The following PIP5K1B variants were observed in gnomAD, a reference collection of about 807,000 sequenced individuals.
The protein encoded by PIP5K1B is phosphatidylinositol-4-phosphate 5-kinase type 1 beta.
PIP5K1B carries 42 observed loss-of-function variants against 67.0 expected under a neutral mutation model. The observed-to-expected ratio is 0.63, with a 90% confidence interval of 0.49 to 0.81. PIP5K1B has a LOEUF of 0.81. Among genes scored for constraint, PIP5K1B ranks in the 30% least tolerant of loss-of-function variants. The probability of loss-of-function intolerance (pLI) is 0.00; values close to 1 mark genes in which losing one functional copy is unlikely to be tolerated. For synonymous variants in PIP5K1B, 214 were observed against 231.4 expected, an observed-to-expected ratio of 0.92 and a Z score of 0.68; for missense variants, 459 against 646.3, an observed-to-expected ratio of 0.71 and a Z score of 3.14.
At chr9:68,778,918 T>A (rs1831065722) in intron 2 of PIP5K1B, among the ~76,000 whole-genome samples, 1 of 152,190 alleles carries the variant, frequency 6.6e-6, no homozygotes, top group Non-Finnish European at 1.5e-5. Flanking sequence ...TCCCCAGATG[T>A]CCACGTGACT....
chr9:68,889,724 G>T (rs1022524123), intron 7 of PIP5K1B, among the ~76,000 whole-genome samples: 10 of 122,786 alleles, frequency 8.1e-5, no homozygotes, highest in South Asian at 2.7e-4. Flanking sequence ...GACAGAGCGA[G>T]ACTCCTTCTC....
At position 68,724,234 on chromosome 9, in the gene PIP5K1B, TG is replaced by T. The variant is rs61074853; in HGVS notation, c.-242-18264del. 5.3e-3 allele frequency among the ~76,000 whole-genome samples: 436 copies of T among 81,918 alleles called. 2 individuals carry two copies. Among genetic ancestry groups the T allele is most frequent in the African/African-American group, 0.028 (393 of 14,190 alleles). The allele number at this position is 81,918 out of a possible 152,430, so 53.7% of individuals were successfully genotyped here. A position where few individuals can be genotyped will look rare whatever the true frequency, so the allele number is the denominator to read the frequency against. ...TAGGTCTATGTGTCTGTGTTTTTTT[TG>T]GGTTTTTTTTTTTTTGTTTTTTGTT... On this transcript the variant is annotated intron_variant, in intron 1 of 15. Coordinates refer to ENST00000265382, the MANE Select transcript of PIP5K1B (RefSeq NM_003558.4).
intron 8 of PIP5K1B, among the ~76,000 whole-genome samples, chr9:68,914,627 A>G (rs990353365): frequency 6.6e-6 from 1 of 152,152 alleles, no homozygotes; most frequent in Non-Finnish European, 1.5e-5. Flanking sequence ...AGGCAGGAGA[A>G]TGGTGTGAAC....
At chr9:68,984,878 T>C (rs1830032852) in intron 14 of PIP5K1B, among the ~76,000 whole-genome samples, 1 of 152,244 alleles carries the variant, frequency 6.6e-6, no homozygotes, top group Non-Finnish European at 1.5e-5. Context: ...TTCTAAAATG[T>C]TAGCAGCAAT....
chr9:68,753,014 T>A (rs1829713432), intron 2 of PIP5K1B, among the ~76,000 whole-genome samples: 2 of 152,330 alleles, frequency 1.3e-5, no homozygotes, highest in Admixed American at 1.3e-4. Flanking sequence ...GGTTCCATTT[T>A]TTACATTTAA....
chr9:68,857,412 A>G (rs1213161432), intron 4 of PIP5K1B, among the ~76,000 whole-genome samples: 1 of 152,046 alleles, frequency 6.6e-6, no homozygotes, highest in African/African-American at 2.4e-5. Flanking sequence ...GTTTCATGCA[A>G]TCTCTCTCTC....
chr9:68,734,050 C>T (rs1306575322), intron 1 of PIP5K1B, among the ~76,000 whole-genome samples: 2 of 152,160 alleles, frequency 1.3e-5, no homozygotes, highest in African/African-American at 4.8e-5. Context: ...TCTGCAACTT[C>T]CATGCAACCC....
chr9:68,851,379 A>G (rs1265314184), intron 4 of PIP5K1B, among the ~76,000 whole-genome samples: 1 of 152,248 alleles, frequency 6.6e-6, no homozygotes, highest in Non-Finnish European at 1.5e-5. Flanking sequence ...TTATAAGGCA[A>G]ATTCACCACA....
chr9:69,007,591 C>T (rs932489494), intron 15 of PIP5K1B, among the ~76,000 whole-genome samples: 8 of 152,194 alleles, frequency 5.3e-5, no homozygotes, highest in Non-Finnish European at 7.3e-5. Context: ...GGTGAGGTGG[C>T]TCACGCCTGT....
intron 2 of PIP5K1B, among the ~76,000 whole-genome samples, chr9:68,763,774 GC>G (rs1830296971): frequency 6.6e-6 from 1 of 152,132 alleles, no homozygotes; most frequent in Non-Finnish European, 1.5e-5. Flanking sequence ...CACTCAGCAT[GC>G]TGTGATAATT....
At chr9:68,846,233 A>C (rs1822184787) in intron 4 of PIP5K1B, among the ~76,000 whole-genome samples, 1 of 152,212 alleles carries the variant, frequency 6.6e-6, no homozygotes, top group Non-Finnish European at 1.5e-5. Flanking sequence ...GTAAATACTG[A>C]TATTAATGTT....
At chr9:68,967,283 T>C (rs1231038259) in intron 14 of PIP5K1B, among the ~76,000 whole-genome samples, 1 of 152,208 alleles carries the variant, frequency 6.6e-6, no homozygotes, top group East Asian at 1.9e-4. Context: ...TTGTAGTTCC[T>C]TGATGCTCCA....
chr9:68,877,101 C>A (rs1271600600), intron 6 of PIP5K1B, among the ~76,000 whole-genome samples: 3 of 152,102 alleles, frequency 2.0e-5, no homozygotes, highest in Non-Finnish European at 4.4e-5. Context: ...GTGAATTTTG[C>A]TGATTAGATT....
At chr9:68,957,179 G>A (rs1828443083) in intron 14 of PIP5K1B, among the ~76,000 whole-genome samples, 1 of 151,818 alleles carries the variant, frequency 6.6e-6, no homozygotes, top group Non-Finnish European at 1.5e-5. Context: ...GGCTGCCATA[G>A]CTTCAGACAT....
At chr9:68,726,092 T>C (rs960318542) in intron 1 of PIP5K1B, among the ~76,000 whole-genome samples, 8 of 152,204 alleles carry the variant, frequency 5.3e-5, no homozygotes, top group Non-Finnish European at 5.9e-5. Flanking sequence ...AAAATCTTAT[T>C]TAATAATAGA....
rs567646057 is a variant in PIP5K1B, at chr9:68,921,896, TTTC to T, written c.1117-1403_1117-1401del. 2.4e-4 allele frequency among the ~76,000 whole-genome samples: 36 copies of T among 152,254 alleles called. No homozygotes were observed. In the Middle Eastern group the frequency reaches 0.01, roughly 43 times the overall value. On this transcript the variant is annotated intron_variant, in intron 11 of 15. Transcript: ENST00000265382. ...TTAAAAAATATACCTATCATCTGCT[TTTC>T]TTTTCTTTTTAATGAAAATTTCTGT...
intron 1 of PIP5K1B, among the ~76,000 whole-genome samples, chr9:68,735,647 C>T (rs571528198): frequency 6.6e-6 from 1 of 152,270 alleles, no homozygotes; most frequent in African/African-American, 2.4e-5. Flanking sequence ...GCCTCAGCCT[C>T]CCAAAGTGCT....
At chr9:68,904,736 G>T (rs1329659260) in intron 8 of PIP5K1B, among the ~76,000 whole-genome samples, 1 of 146,418 alleles carries the variant, frequency 6.8e-6, no homozygotes, top group African/African-American at 2.5e-5. Context: ...GAAACGGAAG[G>T]ATTATCAAGT....
At chr9:69,002,139 A>G (rs949950287) in intron 15 of PIP5K1B, among the ~76,000 whole-genome samples, 4 of 152,022 alleles carry the variant, frequency 2.6e-5, no homozygotes, top group African/African-American at 9.7e-5. Flanking sequence ...TGCTGCCAAC[A>G]CCCCAGAATT....
Sources: gnomAD v4.1 joint callset for allele counts (sites outside exome capture counted in the v4.1 genomes callset) on GRCh38, gnomAD v4.1.1 for gene constraint, MANE v1.5 for transcripts, NCBI Gene and HGNC (gene_info 2026-07-23, HGNC 2026-07-21) for gene names.